Variants in ARMH3 observed in about 807,000 individuals in gnomAD.
The protein encoded by ARMH3 is armadillo like helical domain containing 3, also known as armadillo-like helical domain-containing protein 3.
In ARMH3, 60 loss-of-function variants were observed where a neutral mutation model predicts 99.1. The observed-to-expected ratio is 0.61, with a 90% CI of 0.49 to 0.75. ARMH3 has a LOEUF of 0.75. Ranked by LOEUF, ARMH3 falls within the 30% of genes least tolerant of loss-of-function variation. The pLI, the probability that ARMH3 is intolerant of heterozygous loss-of-function variation, is 0.00. For synonymous variants in ARMH3, 285 were observed against 292.8 expected, an observed-to-expected ratio of 0.97 and a Z score of 0.27; for missense variants, 679 against 843.1, an observed-to-expected ratio of 0.81 and a Z score of 2.41.
In ARMH3 at chr10:101,845,768, T is replaced by A. The variant is rs552175160; in HGVS notation, c.*1760A>T. The A allele has an allele frequency of 6.6e-6, 1 of 152,312 alleles. No individual in the cohort carries two copies. Among genetic ancestry groups the A allele is most frequent in the East Asian group, 1.9e-4 (1 of 5,186 alleles). The allele number at this position is 152,312 out of a possible 1,614,324, so 9.4% of individuals were successfully genotyped here. On this transcript the variant is annotated 3_prime_UTR_variant, in exon 26 of 26. Coordinates refer to ENST00000370033, the MANE Select transcript of ARMH3 (RefSeq NM_024541.3). The stretch of plus-strand genomic sequence containing the variant: ...TCTCTTAAGAACCTACATCTACACA[T>A]GGCAGCCTGTTAGTGGCTTCTCTGG...
rs772239511 is a variant in ARMH3, at chr10:102,029,734, T to G, written c.318A>C (p.Ala106=). 3.1e-6 allele frequency: 5 copies of G among 1,613,012 alleles called. No homozygotes were observed. Among genetic ancestry groups the G allele is most frequent in the Non-Finnish European group, 3.4e-6 (4 of 1,179,218 alleles). The stretch of plus-strand genomic sequence containing the variant: ...TCTTTTGATGGACTCCTCGAATGAG[T>G]GCGCACAGGGTCTGCAGAAATGAGA... ...RVVNALQTLC[A]LIRGVHQKNK... Residue 106 remains alanine, a synonymous_variant, in exon 5 of 26, where the codon GCA becomes GCC. Coordinates refer to ENST00000370033, the MANE Select transcript of ARMH3 (RefSeq NM_024541.3).
intron 23 of ARMH3, among the ~76,000 whole-genome samples, chr10:101,915,827 G>A (rs1239055652): frequency 1.1e-4 from 16 of 140,334 alleles, no homozygotes; most frequent in African/African-American, 3.5e-4. Flanking sequence ...TTTTTGAGAC[G>A]GAGTCTCGCT....
In ARMH3 at chr10:102,033,310, C is replaced by A; in HGVS notation, c.132G>T (p.Arg44=). The A allele has an allele frequency of 6.2e-7, 1 of 1,614,142 alleles. No homozygotes were observed. Among genetic ancestry groups the A allele is most frequent in the Non-Finnish European group, 8.5e-7 (1 of 1,180,024 alleles). ...MTEDPSKCSP[R]FWEELFLMKV... is the part of the protein sequence containing the mutation. ...TCATGAGAAAGAGCTCCTCCCAAAA[C>A]CGAGGACTGCACTTACTGGGGTCCT... is the stretch of plus-strand genomic sequence containing the variant. The change falls in exon 3 of 26, where the codon CGG becomes CGT. Residue 44 remains arginine, a synonymous_variant. Transcript: ENST00000370033.
intron 23 of ARMH3, among the ~76,000 whole-genome samples, chr10:101,923,521 T>A (rs1368440758): frequency 6.6e-6 from 1 of 152,170 alleles, no homozygotes; most frequent in Non-Finnish European, 1.5e-5. Flanking sequence ...TTTCCCTCCC[T>A]AAGGACCCCA....
chr10:101,995,031 G>A lies in ARMH3; in HGVS notation c.1209+266C>T, dbSNP rs528051513. 1.5e-3 allele frequency among the ~76,000 whole-genome samples: 235 copies of A among 152,232 alleles called. 7 individuals are homozygous for A. In the South Asian group the frequency reaches 0.048, roughly 31 times the overall value. On this transcript the variant is annotated intron_variant, in intron 16 of 25. Coordinates refer to ENST00000370033, the MANE Select transcript of ARMH3 (RefSeq NM_024541.3). The stretch of plus-strand genomic sequence containing the variant: ...AGCCTGGGCAACAGAGCGATACTCC[G>A]TCTCAAAACAAACAAACAAACAAAC...
chr10:101,913,872 G>A (rs1842970578), intron 23 of ARMH3, among the ~76,000 whole-genome samples: 1 of 152,190 alleles, frequency 6.6e-6, no homozygotes, highest in African/African-American at 2.4e-5. Flanking sequence ...CTTTTCAAAA[G>A]AGCTATAATG....
intron 23 of ARMH3, among the ~76,000 whole-genome samples, chr10:101,908,817 C>A (rs368576602): frequency 6.6e-6 from 1 of 151,748 alleles, no homozygotes. Flanking sequence ...GCATGCACCA[C>A]GTCACCCGGC....
intron 23 of ARMH3, among the ~76,000 whole-genome samples, chr10:101,920,090 G>C (rs547867789): frequency 6.6e-6 from 1 of 152,178 alleles, no homozygotes; most frequent in South Asian, 2.1e-4. Flanking sequence ...ATCTATTTTC[G>C]AGAAAGAGTC....
chr10:101,889,773 T>G (rs2067642765), intron 23 of ARMH3: 1 of 356,662 alleles, frequency 2.8e-6, no homozygotes, highest in African/African-American at 2.1e-5. Context: ...TATTGAGTCC[T>G]TCAGATGAGA....
chr10:101,878,002 A>G (rs1406364903), intron 24 of ARMH3, among the ~76,000 whole-genome samples: 1 of 152,104 alleles, frequency 6.6e-6, no homozygotes, highest in Non-Finnish European at 1.5e-5. Context: ...TCACACCTAT[A>G]ATCCCAGCAC....
intron 19 of ARMH3, among the ~76,000 whole-genome samples, chr10:101,990,330 C>T (rs1288308078): frequency 6.6e-6 from 1 of 151,968 alleles, no homozygotes; most frequent in Non-Finnish European, 1.5e-5. Flanking sequence ...ACTACAGGCG[C>T]CCACCACTGC....
intron 5 of ARMH3, 63 bp downstream of exon 5, chr10:102,029,573 GAT>G: frequency 6.2e-7 from 1 of 1,614,150 alleles, no homozygotes; most frequent in Non-Finnish European, 8.5e-7. Context: ...TTTGTCTGCT[GAT>G]AGTGTCCAGG....
chr10:102,026,223 G>C (rs1179543009), intron 5 of ARMH3, among the ~76,000 whole-genome samples: 1 of 152,196 alleles, frequency 6.6e-6, no homozygotes, highest in Non-Finnish European at 1.5e-5. Flanking sequence ...AAGGAGAATA[G>C]ATGGAGAATA....
chr10:101,910,281 C>T (rs967502305), intron 23 of ARMH3, among the ~76,000 whole-genome samples: 4 of 152,246 alleles, frequency 2.6e-5, no homozygotes, highest in African/African-American at 7.2e-5. Context: ...CTTCTGTTTC[C>T]AACACCTATG....
chr10:101,910,111 G>C (rs886206750), intron 23 of ARMH3, among the ~76,000 whole-genome samples: 3 of 152,118 alleles, frequency 2.0e-5, no homozygotes, highest in African/African-American at 7.2e-5. Flanking sequence ...TGCGGCCCTG[G>C]CAAGTCAAAA....
intron 1 of ARMH3, among the ~76,000 whole-genome samples, chr10:102,040,828 A>G (rs1389191176): frequency 2.6e-5 from 4 of 152,096 alleles, no homozygotes; most frequent in Non-Finnish European, 5.9e-5. Context: ...GATCGAGCTT[A>G]GGACCATTAA....
At chr10:102,032,462 G>A (rs551239218) in intron 4 of ARMH3, among the ~76,000 whole-genome samples, 2 of 152,238 alleles carry the variant, frequency 1.3e-5, no homozygotes, top group African/African-American at 4.8e-5. Context: ...GTGCAGTGGT[G>A]CAATCTCGGC....
At chr10:101,921,295 C>A (rs1489017854) in intron 23 of ARMH3, among the ~76,000 whole-genome samples, 2 of 152,028 alleles carry the variant, frequency 1.3e-5, no homozygotes, top group African/African-American at 4.8e-5. Context: ...AGAACAGGTA[C>A]AACTAATTTG....
intron 23 of ARMH3, among the ~76,000 whole-genome samples, chr10:101,934,255 C>G (rs1362683704): frequency 6.6e-6 from 1 of 152,088 alleles, no homozygotes; most frequent in Non-Finnish European, 1.5e-5. Flanking sequence ...CATGTGCGCA[C>G]CCATGTATGA....
Sources: allele counts gnomAD v4.1 joint callset (sites outside exome capture counted in the v4.1 genomes callset), GRCh38; gene constraint gnomAD v4.1.1; transcripts MANE v1.5; gene names NCBI Gene and HGNC (gene_info 2026-07-23, HGNC 2026-07-21).